CCDC60: variants seen among roughly 807,000 people sequenced by gnomAD.
CCDC60 encodes coiled-coil domain containing 60.
A neutral mutation model predicts 63.5 loss-of-function variants in CCDC60; 54 were observed. That is an observed-to-expected ratio of 0.85 (90% CI 0.68 to 1.07). The LOEUF is 1.07. CCDC60 is among the 50% of genes least tolerant of loss of function. CCDC60 has a pLI of 0.00. For missense variants in CCDC60, 651 were observed against 684.3 expected (o/e 0.95, Z 0.54); for synonymous variants, 206 against 238.8 (o/e 0.86, Z 1.27).
intron 2 of CCDC60, among the ~76,000 whole-genome samples, chr12:119,471,475 T>G (rs892359733): frequency 1.3e-5 from 2 of 152,212 alleles, no homozygotes; most frequent in Admixed American, 1.3e-4. Context: ...TGGTATCTGA[T>G]CCTGCAGGCT....
intron 11 of CCDC60, among the ~76,000 whole-genome samples, chr12:119,527,223 G>C (rs188058569): frequency 1.3e-5 from 2 of 152,096 alleles, no homozygotes; most frequent in African/African-American, 4.8e-5. Context: ...AAGAATTTAT[G>C]AACACAAAGA....
intron 1 of CCDC60, among the ~76,000 whole-genome samples, chr12:119,342,310 A>G (rs1955541217): frequency 6.6e-6 from 1 of 152,116 alleles, no homozygotes; most frequent in Non-Finnish European, 1.5e-5. Context: ...TTCCTGACCT[A>G]TTTTCTCTAT....
intron 2 of CCDC60, among the ~76,000 whole-genome samples, chr12:119,466,302 C>T (rs1348977685): frequency 3.9e-5 from 6 of 152,190 alleles, no homozygotes; most frequent in Admixed American, 6.5e-5. Context: ...CTCTGGAATA[C>T]GAGCTTCATA....
At chr12:119,529,321 C>A (rs1952773872) in intron 12 of CCDC60, among the ~76,000 whole-genome samples, 1 of 151,896 alleles carries the variant, frequency 6.6e-6, no homozygotes, top group Admixed American at 6.6e-5. Context: ...CATATTAACC[C>A]CCATTTCACA....
chr12:119,476,173 A>G lies in CCDC60; in HGVS notation c.342-2921A>G, dbSNP rs147024456. On this transcript the variant is annotated intron_variant, in intron 3 of 13. Coordinates refer to ENST00000327554, the MANE Select transcript of CCDC60 (RefSeq NM_178499.5). Reference sequence around the variant, plus strand: ...GAAAAAAAAATCAAGCACATCCCCAAAGATTTCTGCCTGCAAGCAGTCTTT... The same window carrying G: ...GAAAAAAAAATCAAGCACATCCCCAGAGATTTCTGCCTGCAAGCAGTCTTT... 3.1e-3 allele frequency among the ~76,000 whole-genome samples: 469 copies of G among 152,234 alleles called. 2 individuals are homozygous for G. Among genetic ancestry groups the G allele is most frequent in the South Asian group, 8.3e-3 (40 of 4,814 alleles).
chr12:119,412,566 A>G (rs543001881), intron 1 of CCDC60, among the ~76,000 whole-genome samples: 3 of 152,302 alleles, frequency 2.0e-5, no homozygotes, highest in Non-Finnish European at 2.9e-5. Context: ...TGTAATATGC[A>G]ATAAACAGAG....
chr12:119,540,508 C>T, intron 13 of CCDC60, 106 bp from the exon 14 acceptor site: 1 of 789,752 alleles, frequency 1.3e-6, no homozygotes, highest in Non-Finnish European at 2.2e-6. Context: ...ATTCCTGGGG[C>T]CACCAGTCTC....
chr12:119,439,366 G>A (rs1950394394), intron 2 of CCDC60, among the ~76,000 whole-genome samples: 1 of 152,140 alleles, frequency 6.6e-6, no homozygotes, highest in Non-Finnish European at 1.5e-5. Context: ...CTGGAGGGGA[G>A]AAGGGAGTAC....
chr12:119,482,682 C>T (rs1951353305), intron 4 of CCDC60, among the ~76,000 whole-genome samples: 1 of 152,136 alleles, frequency 6.6e-6, no homozygotes, highest in Admixed American at 6.5e-5. Context: ...TTACAGATCA[C>T]CTCGACATGG....
At chr12:119,358,259 A>C (rs1955737984) in intron 1 of CCDC60, among the ~76,000 whole-genome samples, 2 of 152,162 alleles carry the variant, frequency 1.3e-5, no homozygotes, top group Non-Finnish European at 2.9e-5. Context: ...TGGCTGGCTT[A>C]TTTCACTTGC....
chr12:119,461,257 A>C (rs1271148938), intron 2 of CCDC60, among the ~76,000 whole-genome samples: 5 of 152,234 alleles, frequency 3.3e-5, no homozygotes, highest in African/African-American at 1.2e-4. Flanking sequence ...TAATCCTCCC[A>C]ATAGCCCTTT....
At chr12:119,363,057 C>T (rs1301898212) in intron 1 of CCDC60, among the ~76,000 whole-genome samples, 3 of 152,160 alleles carry the variant, frequency 2.0e-5, no homozygotes, top group East Asian at 3.9e-4. Context: ...GAGACTGCAC[C>T]GCTGCACCCC....
chr12:119,477,847 T>C (rs1951209794), intron 3 of CCDC60, among the ~76,000 whole-genome samples: 1 of 152,146 alleles, frequency 6.6e-6, no homozygotes. Context: ...AGTTTTTTCA[T>C]TTTTATGTGA....
At chr12:119,496,257 C>A (rs1951713929) in intron 5 of CCDC60, among the ~76,000 whole-genome samples, 1 of 152,208 alleles carries the variant, frequency 6.6e-6, no homozygotes, top group Non-Finnish European at 1.5e-5. Context: ...TGTTTTACCC[C>A]AGATGGGAGT....
At chr12:119,399,582 A>G (rs961865244) in intron 1 of CCDC60, among the ~76,000 whole-genome samples, 13 of 152,120 alleles carry the variant, frequency 8.5e-5, no homozygotes, top group African/African-American at 3.1e-4. Flanking sequence ...TTTAATTATA[A>G]TTATACTTCA....
intron 13 of CCDC60, among the ~76,000 whole-genome samples, chr12:119,539,035 A>AAAG (rs1472971907): frequency 6.6e-6 from 1 of 152,198 alleles, no homozygotes; most frequent in Admixed American, 6.5e-5. Flanking sequence ...GCAGAACAGC[A>AAAG]AAGATTGCTG....
intron 3 of CCDC60, among the ~76,000 whole-genome samples, 160 bp from the exon 4 acceptor site, chr12:119,478,934 A>G (rs534842720): frequency 6.6e-6 from 1 of 152,304 alleles, no homozygotes; most frequent in African/African-American, 2.4e-5. Flanking sequence ...TGCTTTGTTA[A>G]GGAACTGCAT....
rs1951516392 is a variant in CCDC60 at position 119,488,793 on chromosome 12, T to G, written c.484T>G (p.Trp162Gly). 6.2e-7 allele frequency: 1 copy of G among 1,614,100 alleles called. No homozygotes were observed. Among genetic ancestry groups the G allele is most frequent in the Admixed American group, 1.7e-5 (1 of 60,002 alleles). Residue 162 changes from tryptophan to glycine, a missense_variant, in exon 5 of 14, where the codon TGG becomes GGG. Coordinates refer to ENST00000327554, the MANE Select transcript of CCDC60 (RefSeq NM_178499.5). ...CTTCCGCCAGCTCTGTGCTCTCCAC[T>G]GGCTTCTGGAGGCCCTGACTATTGA... is the stretch of plus-strand genomic sequence containing the variant. ...PLFRQLCALH[W>G]LLEALTIDHT...
chr12:119,466,495 C>T (rs1444106367), intron 2 of CCDC60, among the ~76,000 whole-genome samples: 1 of 152,218 alleles, frequency 6.6e-6, no homozygotes, highest in African/African-American at 2.4e-5. Flanking sequence ...AAGAATCTGA[C>T]TCCATTCTTG....
Sources: gnomAD v4.1 joint callset for allele counts (sites outside exome capture counted in the v4.1 genomes callset) on GRCh38, gnomAD v4.1.1 for gene constraint, MANE v1.5 for transcripts, NCBI Gene and HGNC (gene_info 2026-07-23, HGNC 2026-07-21) for gene names.